The following MAOA variants were observed in gnomAD, a reference collection of about 807,000 sequenced individuals.
The protein encoded by MAOA is monoamine oxidase A.
A neutral mutation model predicts 42.0 loss-of-function variants in MAOA; 6 were observed. The observed-to-expected ratio is 0.14, with a 90% CI of 0.08 to 0.28. The LOEUF (loss-of-function observed/expected upper bound fraction) is 0.28. MAOA is among the 10% of genes least tolerant of loss of function. The pLI is 1.00. For missense variants in MAOA, 262 were observed against 422.3 expected (o/e 0.62, Z 3.33); for synonymous variants, 140 against 154.0 (o/e 0.91, Z 0.67).
intron 10 of MAOA, among the ~76,000 whole-genome samples, chrX:43,737,584 C>A (rs1189819202): frequency 9.0e-6 from 1 of 111,300 alleles, no homozygotes; most frequent in Non-Finnish European, 1.9e-5. Flanking sequence ...GGTATCCTCA[C>A]TTGGAGGAAG....
intron 5 of MAOA, among the ~76,000 whole-genome samples, chrX:43,720,115 A>C (rs543547765): frequency 1.8e-4 from 20 of 109,703 alleles, no homozygotes; most frequent in African/African-American, 6.7e-4. Flanking sequence ...ACTCAGGAGT[A>C]GGGGGGAAAT....
intron 2 of MAOA, among the ~76,000 whole-genome samples, chrX:43,690,458 A>C (rs1331431212): frequency 9.0e-6 from 1 of 111,427 alleles, no homozygotes; most frequent in African/African-American, 3.3e-5. Flanking sequence ...TATATTGCAT[A>C]GTACTTTTAG....
chrX:43,734,405 A>G (rs1294324754), intron 9 of MAOA, among the ~76,000 whole-genome samples: 1 of 111,293 alleles, frequency 9.0e-6, no homozygotes, highest in Non-Finnish European at 1.9e-5. Flanking sequence ...TGTGGGTGCA[A>G]GTTTTTATGT....
intron 3 of MAOA, among the ~76,000 whole-genome samples, chrX:43,702,736 A>G (rs932772877): frequency 2.2e-4 from 25 of 112,419 alleles, no homozygotes; most frequent in African/African-American, 6.8e-4. Context: ...ATTACCTTTC[A>G]TTCCCATAGC....
intron 3 of MAOA, among the ~76,000 whole-genome samples, chrX:43,703,563 A>G (rs2033639444): frequency 1.8e-5 from 2 of 112,380 alleles, no homozygotes; most frequent in South Asian, 3.7e-4. Flanking sequence ...CTTCTATTTC[A>G]TCGCATATTT....
chrX:43,741,826 G>A (rs912770006), intron 11 of MAOA, 124 bp from the exon 12 acceptor site: 1 of 1,125,741 alleles, frequency 8.9e-7, no homozygotes, highest in African/African-American at 1.8e-5. Flanking sequence ...CCTTAAGTGA[G>A]TTAGAAAAAC....
At chrX:43,667,009 G>GGA (rs1555941994) in intron 1 of MAOA, among the ~76,000 whole-genome samples, 1 of 97,623 alleles carries the variant, frequency 1.0e-5, no homozygotes, top group Non-Finnish European at 2.0e-5. Flanking sequence ...GGGGGGCGGG[G>GGA]GGGATAGCAT....
At chrX:43,719,487 G>A (rs945408466) in intron 5 of MAOA, among the ~76,000 whole-genome samples, 4 of 111,492 alleles carry the variant, frequency 3.6e-5, no homozygotes, top group African/African-American at 1.3e-4. Context: ...GTATCTTCCA[G>A]GAATAAACCC....
rs1396597727 is a variant in MAOA at position 43,675,709 on chromosome X, C to T, written c.74-7804C>T. On this transcript the variant is annotated intron_variant, in intron 1 of 14. Transcript: ENST00000338702. ...GTTGGAGTTTGCTAGAGGTCCACTC[C>T]AGACCCTGTTTGCCTGGGTATCAGC... is the stretch of plus-strand genomic sequence containing the variant. 3.6e-5 allele frequency among the ~76,000 whole-genome samples: 4 copies of T among 112,434 alleles called. No individual in the cohort carries two copies. The East Asian group carries it at 1.1e-3, about 31-fold the overall frequency.
intron 1 of MAOA, among the ~76,000 whole-genome samples, chrX:43,663,969 G>A (rs1180033940): frequency 2.7e-5 from 3 of 111,942 alleles, no homozygotes; most frequent in Admixed American, 1.9e-4. Flanking sequence ...CAAAAAATGC[G>A]TATTTTTACG....
intron 5 of MAOA, among the ~76,000 whole-genome samples, chrX:43,714,609 A>G (rs912523116): frequency 9.1e-6 from 1 of 109,459 alleles, no homozygotes; most frequent in Admixed American, 9.7e-5. Context: ...TGAGCCACAA[A>G]GGCAGGGATA....
chrX:43,688,438 G>A (rs1455119420), intron 2 of MAOA, among the ~76,000 whole-genome samples: 2 of 111,707 alleles, frequency 1.8e-5, no homozygotes, highest in South Asian at 3.8e-4. Context: ...ACGCCACCAT[G>A]CCCGGCTCAT....
intron 1 of MAOA, among the ~76,000 whole-genome samples, chrX:43,681,807 A>G (rs1206223810): frequency 1.9e-5 from 2 of 104,268 alleles, no homozygotes; most frequent in Non-Finnish European, 4.1e-5. Context: ...GAACTAAGAC[A>G]GAATTTGAAG....
At chrX:43,705,426 A>G (rs927960107) in intron 3 of MAOA, among the ~76,000 whole-genome samples, 1 of 112,223 alleles carries the variant, frequency 8.9e-6, no homozygotes, top group Non-Finnish European at 1.9e-5. Context: ...TCCACATGCA[A>G]AAGAATGAAG....
intron 3 of MAOA, among the ~76,000 whole-genome samples, chrX:43,697,573 C>A (rs1385919560): frequency 8.9e-6 from 1 of 112,346 alleles, no homozygotes; most frequent in Non-Finnish European, 1.9e-5. Context: ...TCATTGAATA[C>A]TTAATCTCAT....
At chrX:43,724,431 T>C (rs2033816338) in intron 5 of MAOA, among the ~76,000 whole-genome samples, 1 of 112,156 alleles carries the variant, frequency 8.9e-6, no homozygotes, top group Non-Finnish European at 1.9e-5. Flanking sequence ...TCCAGGAATT[T>C]ATCCATTTCT....
intron 1 of MAOA, among the ~76,000 whole-genome samples, chrX:43,667,050 C>T (rs753196449): frequency 1.9e-4 from 21 of 109,430 alleles, no homozygotes; most frequent in East Asian, 8.8e-4. Context: ...AATGACGAGT[C>T]AATGGGTGCA....
chrX:43,707,446 A>C (rs950534145), intron 3 of MAOA, among the ~76,000 whole-genome samples: 1 of 111,919 alleles, frequency 8.9e-6, no homozygotes, highest in African/African-American at 3.3e-5. Context: ...GGACTGTTAA[A>C]AGAATGCAAA....
intron 1 of MAOA, among the ~76,000 whole-genome samples, chrX:43,659,787 A>G (rs941248953): frequency 1.1e-4 from 12 of 111,101 alleles, no homozygotes; most frequent in Non-Finnish European, 2.3e-4. Flanking sequence ...CATCCCTTCT[A>G]TAATTTTTGA....
Sources: gnomAD v4.1 joint callset for allele counts (sites outside exome capture counted in the v4.1 genomes callset) on GRCh38, gnomAD v4.1.1 for gene constraint, MANE v1.5 for transcripts, NCBI Gene and HGNC (gene_info 2026-07-23, HGNC 2026-07-21) for gene names.